Variants in DAB1 observed in about 807,000 individuals in gnomAD.
DAB1 encodes the protein disabled homolog 1.
A neutral mutation model predicts 64.6 loss-of-function variants in DAB1; 15 were observed. The observed-to-expected ratio is 0.23, with a 90% CI of 0.16 to 0.36. DAB1 has a LOEUF of 0.36. Ranked by LOEUF, DAB1 falls within the 10% of genes least tolerant of loss-of-function variation. The probability of loss-of-function intolerance (pLI) is 1.00; values close to 1 mark genes in which losing one functional copy is unlikely to be tolerated. For synonymous variants in DAB1, 235 were observed against 251.9 expected, an observed-to-expected ratio of 0.93 and a Z score of 0.64; for missense variants, 596 against 706.7, an observed-to-expected ratio of 0.84 and a Z score of 1.78.
chr1:57,207,840 T>C (rs1347342491), intron 2 of DAB1, among the ~76,000 whole-genome samples: 2 of 152,186 alleles, frequency 1.3e-5, no homozygotes, highest in Non-Finnish European at 2.9e-5. Context: ...ATTCATATCT[T>C]AAAGGGCTTG....
At chr1:57,048,263 A>T (rs1648784128) in intron 9 of DAB1, among the ~76,000 whole-genome samples, 1 of 152,156 alleles carries the variant, frequency 6.6e-6, no homozygotes, top group African/African-American at 2.4e-5. Flanking sequence ...ACCAGTCCCT[A>T]CTCTATATCA....
At chr1:58,024,412 A>G (rs1245451726) in intron 5 of DAB1, among the ~76,000 whole-genome samples, 1 of 152,218 alleles carries the variant, frequency 6.6e-6, no homozygotes, top group Non-Finnish European at 1.5e-5. Flanking sequence ...TCTATTTCAA[A>G]TGCTTAGCAG....
intron 4 of DAB1, among the ~76,000 whole-genome samples, chr1:58,176,979 TAAA>T (rs772711760): frequency 9.4e-6 from 1 of 106,504 alleles, no homozygotes. Context: ...ACTGTCTCAA[TAAA>T]AAAAAAAAAA....
intron 6 of DAB1, among the ~76,000 whole-genome samples, chr1:57,734,613 T>G (rs900648424): frequency 6.6e-6 from 1 of 152,248 alleles, no homozygotes; most frequent in Non-Finnish European, 1.5e-5. Flanking sequence ...ACAATGTGCC[T>G]GAACTTAAGT....
chr1:58,096,381 A>G (rs182842595), intron 5 of DAB1, among the ~76,000 whole-genome samples: 7 of 152,346 alleles, frequency 4.6e-5, no homozygotes, highest in Admixed American at 2.6e-4. Context: ...ATCATAAGTG[A>G]TGGCCTTACA....
intron 6 of DAB1, among the ~76,000 whole-genome samples, chr1:57,807,085 T>C (rs529232040): frequency 6.6e-5 from 10 of 152,302 alleles, no homozygotes; most frequent in Admixed American, 6.5e-4. Context: ...CCCCAGACTA[T>C]AGCACTAGCT....
At chr1:57,143,866 T>A (rs1047264361) in intron 3 of DAB1, among the ~76,000 whole-genome samples, 22 of 151,984 alleles carry the variant, frequency 1.4e-4, no homozygotes, top group Non-Finnish European at 2.9e-4. Context: ...TTGAAAATAT[T>A]TCATTGACAA....
intron 1 of DAB1, among the ~76,000 whole-genome samples, chr1:57,378,414 C>T (rs973381005): frequency 1.3e-5 from 2 of 152,194 alleles, no homozygotes; most frequent in African/African-American, 2.4e-5. Context: ...AGTTTTAAAT[C>T]CTGAGGAACT....
intron 4 of DAB1, among the ~76,000 whole-genome samples, chr1:58,177,208 C>G (rs963876826): frequency 1.3e-5 from 2 of 152,098 alleles, no homozygotes; most frequent in Non-Finnish European, 2.9e-5. Context: ...CCTTGGGAAC[C>G]GAGGTCAGCA....
In DAB1 at chr1:58,106,052, T is replaced by G. The variant is rs1184763911; in HGVS notation, n.387+44459A>C. Among the ~76,000 whole-genome samples the G allele has an allele frequency of 3.3e-5, 5 of 151,852 alleles. No individual in the cohort carries two copies. The East Asian group carries it at 9.7e-4, about 30-fold the overall frequency. On this transcript the variant is annotated intron_variant and non_coding_transcript_variant, in intron 5 of 20. Transcript: ENST00000485760. ...TTTTCCAACACATTTTAAAATATAG[T>G]GTTGTTGTTTTGGTTTTTTGTTTTT...
At chr1:57,565,832 C>A (rs901529847) in intron 7 of DAB1, among the ~76,000 whole-genome samples, 3 of 152,154 alleles carry the variant, frequency 2.0e-5, no homozygotes, top group South Asian at 2.1e-4. Flanking sequence ...TAATGAGAGA[C>A]TTTAACACCC....
intron 5 of DAB1, among the ~76,000 whole-genome samples, chr1:58,003,594 T>G (rs1439917205): frequency 2.0e-5 from 3 of 152,218 alleles, no homozygotes; most frequent in Non-Finnish European, 4.4e-5. Flanking sequence ...CTGCTCTTTG[T>G]GTGCTGACTT....
At chr1:58,125,419 A>G (rs1653002363) in intron 5 of DAB1, among the ~76,000 whole-genome samples, 4 of 151,914 alleles carry the variant, frequency 2.6e-5, no homozygotes, top group African/African-American at 9.7e-5. Context: ...TAATAGTCAT[A>G]ATACTTACAT....
At chr1:57,422,957 G>A (rs1046715384) in intron 1 of DAB1, among the ~76,000 whole-genome samples, 19 of 152,106 alleles carry the variant, frequency 1.2e-4, no homozygotes, top group African/African-American at 4.3e-4. Flanking sequence ...CGCAGCCAGC[G>A]GAGGCAGGGT....
Position 57,526,209 on chromosome 1 carries a change from T to C in DAB1, n.625+123383A>G, listed in dbSNP as rs1280209404. On this transcript the variant is annotated intron_variant and non_coding_transcript_variant, in intron 7 of 20. Transcript: ENST00000485760. Reference sequence around the variant, plus strand: ...CCTTGGCCTCCCACAGTGCTGGCATTACAGGCGTGAGCCACTGCGCCCGGC... The same window carrying C: ...CCTTGGCCTCCCACAGTGCTGGCATCACAGGCGTGAGCCACTGCGCCCGGC... Among the ~76,000 whole-genome samples, 4 of 152,174 alleles carry C rather than the reference T, an allele frequency of 2.6e-5. No individual in the cohort carries two copies. The East Asian group carries it at 7.7e-4, about 29-fold the overall frequency.
chr1:58,262,020 C>T (rs550845802), intron 4 of DAB1, among the ~76,000 whole-genome samples: 3 of 152,214 alleles, frequency 2.0e-5, no homozygotes, highest in South Asian at 2.1e-4. Flanking sequence ...TCTATATTCC[C>T]GTAGTGCAGA....
At chr1:57,428,413 T>C (rs1243432142), upstream of DAB1, among the ~76,000 whole-genome samples, 1 of 152,224 alleles carries the variant, frequency 6.6e-6, no homozygotes, top group Non-Finnish European at 1.5e-5. Flanking sequence ...ACATGCAGTA[T>C]TTGTCTTTTT....
At chr1:57,409,375 G>A (rs1446708229) in intron 1 of DAB1, among the ~76,000 whole-genome samples, 1 of 152,242 alleles carries the variant, frequency 6.6e-6, no homozygotes, top group African/African-American at 2.4e-5. Context: ...TACAGGGCAT[G>A]TCATTAAAAG....
chr1:58,224,923 A>G (rs1019543977), intron 4 of DAB1, among the ~76,000 whole-genome samples: 1 of 152,132 alleles, frequency 6.6e-6, no homozygotes, highest in African/African-American at 2.4e-5. Flanking sequence ...TGTCTAAAAC[A>G]CCAAAAGCAA....
Sources: gnomAD v4.1 joint callset for allele counts (sites outside exome capture counted in the v4.1 genomes callset) on GRCh38, gnomAD v4.1.1 for gene constraint, MANE v1.5 for transcripts, NCBI Gene and HGNC (gene_info 2026-07-23, HGNC 2026-07-21) for gene names.